Variants in LDLRAD3 observed in about 807,000 individuals in gnomAD.
The protein encoded by LDLRAD3 is low density lipoprotein receptor class A domain containing 3.
Under a neutral mutation model 29.4 loss-of-function variants are expected in LDLRAD3, and 20 were observed. That is an observed-to-expected ratio of 0.68 (90% CI 0.48 to 0.99). The LOEUF (loss-of-function observed/expected upper bound fraction) is 0.99, where lower values mean the gene tolerates loss of function less well. LDLRAD3 is among the 50% of genes least tolerant of loss of function. The pLI is 0.00. For synonymous variants in LDLRAD3, 157 were observed against 192.7 expected, an observed-to-expected ratio of 0.81 and a Z score of 1.53; for missense variants, 420 against 454.3, an observed-to-expected ratio of 0.92 and a Z score of 0.69.
At chr11:35,973,529 A>G (rs941696276) in intron 1 of LDLRAD3, among the ~76,000 whole-genome samples, 3 of 151,926 alleles carry the variant, frequency 2.0e-5, no homozygotes, top group Admixed American at 2.0e-4. Context: ...GTGTGGCGTG[A>G]TCTCTGCTCA....
At chr11:36,006,377 G>T (rs1851885702) in intron 1 of LDLRAD3, among the ~76,000 whole-genome samples, 1 of 152,204 alleles carries the variant, frequency 6.6e-6, no homozygotes. Flanking sequence ...GCAGTCAAGG[G>T]GATGAGATGC....
In LDLRAD3 at chr11:36,229,235, C is replaced by T; in HGVS notation, c.876C>T (p.Pro292=). 6.2e-7 allele frequency: 1 copy of T among 1,614,128 alleles called. No homozygotes were observed. The highest frequency in any genetic ancestry group is 1.3e-5 in the African/African-American group (1 of 75,026). ...CTCTGAACCAAGCCGACCTGCCCCC[C>T]TACCGCTCCCGGTCCGGGAGTGCCA... The part of the protein sequence containing the change: ...TESLNQADLP[P]YRSRSGSANS... The change falls in exon 6 of 6, where the codon CCC becomes CCT. Residue 292 remains proline (P), a synonymous_variant. Transcript: ENST00000315571.
At chr11:36,047,814 A>ATCC (rs1852472804) in intron 2 of LDLRAD3, among the ~76,000 whole-genome samples, 1 of 152,016 alleles carries the variant, frequency 6.6e-6, no homozygotes, top group African/African-American at 2.4e-5. Flanking sequence ...AAACCTTGAA[A>ATCC]CCCCTTCAAA....
chr11:36,086,475 C>T (rs183539632), intron 3 of LDLRAD3, among the ~76,000 whole-genome samples: 4 of 152,180 alleles, frequency 2.6e-5, no homozygotes, highest in Non-Finnish European at 5.9e-5. Context: ...TGGTTACAAT[C>T]GTTTTCACGC....
In LDLRAD3 at chr11:35,984,582, C is replaced by T. The variant is rs144791012; in HGVS notation, c.46+40438C>T. Among the ~76,000 whole-genome samples the T allele has an allele frequency of 3.9e-5, 6 of 152,346 alleles. No individual in the cohort carries two copies. In the East Asian group the frequency reaches 9.6e-4, roughly 24 times the overall value. On this transcript the variant is annotated intron_variant, in intron 1 of 5. Transcript: ENST00000315571. ...TTCTGTGTCCCTTCACCAAGATTCT[C>T]ACCAAGCAGGCTCTGGGGCTGCAGA...
intron 2 of LDLRAD3, among the ~76,000 whole-genome samples, chr11:36,052,617 T>C (rs1852545063): frequency 6.6e-6 from 1 of 152,222 alleles, no homozygotes; most frequent in Non-Finnish European, 1.5e-5. Context: ...TTCCTTTGCA[T>C]ACTGGACACA....
chr11:36,195,660 ACTTGTG>A (rs1228852971), intron 4 of LDLRAD3, among the ~76,000 whole-genome samples: 1 of 152,160 alleles, frequency 6.6e-6, no homozygotes, highest in Non-Finnish European at 1.5e-5. Flanking sequence ...GATGCATCAG[ACTTGTG>A]CCTGTGTATA....
intron 2 of LDLRAD3, among the ~76,000 whole-genome samples, chr11:36,064,156 T>C (rs1386378186): frequency 6.6e-6 from 1 of 152,252 alleles, no homozygotes; most frequent in Non-Finnish European, 1.5e-5. Flanking sequence ...AAGTATTTTA[T>C]TATTTTTGAT....
chr11:36,133,911 A>G lies in LDLRAD3; in HGVS notation c.454+35450A>G, dbSNP rs950976489. On this transcript the variant is annotated intron_variant, in intron 4 of 5. Coordinates refer to ENST00000315571, the MANE Select transcript of LDLRAD3 (RefSeq NM_174902.4). ...TTCTTAAATGTCTGTTCTAGTTGAA[A>G]GAACTGAAAGCTGAGAAAAATCTGG... 6.6e-4 allele frequency among the ~76,000 whole-genome samples: 101 copies of G among 152,152 alleles called. 1 individual carries two copies. Among genetic ancestry groups the G allele is most frequent in the African/African-American group, 2.3e-3 (96 of 41,492 alleles).
In LDLRAD3 at chr11:36,041,642, A is replaced by G. The variant is rs558514088; in HGVS notation, c.193+5393A>G. 3.3e-5 allele frequency among the ~76,000 whole-genome samples: 5 copies of G among 152,354 alleles called. No individual in the cohort carries two copies. The East Asian group carries it at 9.6e-4, about 29-fold the overall frequency. On this transcript the variant is annotated intron_variant, in intron 2 of 5. Coordinates refer to ENST00000315571, the MANE Select transcript of LDLRAD3 (RefSeq NM_174902.4). ...CCCCTCTGTAATAAAGCAGCAGTCC[A>G]AATTTCCAGAACCCACAGGGGACCA...
chr11:36,105,238 T>TGTGTGTGTGTGTGTGTGTGTGTGAGA (rs1343780985), intron 4 of LDLRAD3, among the ~76,000 whole-genome samples: 2 of 128,346 alleles, frequency 1.6e-5, no homozygotes, highest in East Asian at 2.5e-4. Context: ...TGTGTGTGTG[T>TGTGTGTGTGTGTGTGTGTGTGTGAGA]GAGAGAGAGA....
chr11:36,094,296 C>A (rs530760636), intron 3 of LDLRAD3, among the ~76,000 whole-genome samples: 4 of 152,184 alleles, frequency 2.6e-5, no homozygotes, highest in African/African-American at 9.6e-5. Context: ...TTGCCTAGCA[C>A]CAGTTTTTGT....
intron 1 of LDLRAD3, among the ~76,000 whole-genome samples, chr11:35,962,761 T>C (rs918194167): frequency 1.3e-5 from 2 of 152,222 alleles, no homozygotes; most frequent in African/African-American, 4.8e-5. Context: ...AAAATCTCTG[T>C]AGACTTGAGC....
intron 1 of LDLRAD3, among the ~76,000 whole-genome samples, chr11:35,990,901 A>C (rs536964905): frequency 7.2e-5 from 11 of 152,368 alleles, no homozygotes; most frequent in African/African-American, 2.6e-4. Context: ...TAGGCTTTGA[A>C]CATATCTTTT....
At chr11:36,031,695 C>T (rs969694378) in intron 1 of LDLRAD3, among the ~76,000 whole-genome samples, 1 of 152,146 alleles carries the variant, frequency 6.6e-6, no homozygotes. Context: ...CAGGACACTA[C>T]CAGCGTGAAA....
intron 4 of LDLRAD3, chr11:36,110,004 G>C (rs1272204795): frequency 2.0e-5 from 3 of 152,220 alleles, no homozygotes; most frequent in African/African-American, 7.2e-5. Context: ...GAGTTTGAAA[G>C]CCCAGCTGGG....
intron 1 of LDLRAD3, among the ~76,000 whole-genome samples, chr11:36,010,397 G>A (rs911135718): frequency 1.3e-5 from 2 of 152,172 alleles, no homozygotes; most frequent in African/African-American, 4.8e-5. Flanking sequence ...TGGAATTAGT[G>A]AAGATAGACC....
At chr11:36,179,763 C>T (rs1473264377) in intron 4 of LDLRAD3, among the ~76,000 whole-genome samples, 13 of 151,822 alleles carry the variant, frequency 8.6e-5, no homozygotes, top group African/African-American at 3.1e-4. Context: ...GAGGCTGAGG[C>T]AGGAGGATGG....
At chr11:36,185,673 A>G (rs1252399250) in intron 4 of LDLRAD3, among the ~76,000 whole-genome samples, 1 of 152,206 alleles carries the variant, frequency 6.6e-6, no homozygotes. Context: ...TGAGATTGCC[A>G]CTGGTTCTGA....
Sources: gnomAD v4.1 joint callset for allele counts (sites outside exome capture counted in the v4.1 genomes callset) on GRCh38, gnomAD v4.1.1 for gene constraint, MANE v1.5 for transcripts, NCBI Gene and HGNC (gene_info 2026-07-23, HGNC 2026-07-21) for gene names.